The following SPIN3 variants were observed in gnomAD, a reference collection of about 807,000 sequenced individuals.
SPIN3 encodes spindlin family member 3.
For synonymous variants in SPIN3, 74 were observed against 74.3 expected (o/e 1.00, Z 0.02); for missense variants, 176 against 196.4 (o/e 0.90, Z 0.62).
At chrX:56,985,432 G>A (rs1029122339) in intron 2 of SPIN3, among the ~76,000 whole-genome samples, 1 of 112,300 alleles carries the variant, frequency 8.9e-6, no homozygotes, top group Non-Finnish European at 1.9e-5. Flanking sequence ...ATCCAAAGAC[G>A]GATTAGTGTA....
At position 56,992,488 on chromosome X, in the gene SPIN3, A is replaced by T; in HGVS notation, c.*1683T>A. 3.4e-6 allele frequency: 1 copy of T among 297,527 alleles called. No individual in the cohort carries two copies. Among genetic ancestry groups the T allele is most frequent in the Non-Finnish European group, 5.9e-6 (1 of 170,341 alleles). 24.5% of individuals were successfully genotyped at this position (297,527 alleles called of 1,213,427 possible). A position where few individuals can be genotyped will look rare whatever the true frequency, so the allele number is the denominator to read the frequency against. On this transcript the variant is annotated 3_prime_UTR_variant, in exon 2 of 2. Transcript: ENST00000374919. Reference sequence around the variant, plus strand: ...CATCAAAAAGCAAAAGTAGACAGATAAAACATAGGAGAAAAGAGAACATCT... The same window carrying T: ...CATCAAAAAGCAAAAGTAGACAGATTAAACATAGGAGAAAAGAGAACATCT...
chrX:56,987,134 AAAACAAACAAAC>A, downstream of SPIN3, among the ~76,000 whole-genome samples: 1 of 111,830 alleles, frequency 8.9e-6, no homozygotes, highest in Admixed American at 9.5e-5. Flanking sequence ...TCTGTCTCAA[AAAACAAACAAAC>A]AAACAAACAA....
chrX:56,987,407 A>T (rs1924243370), downstream of SPIN3, among the ~76,000 whole-genome samples: 1 of 110,350 alleles, frequency 9.1e-6, no homozygotes, highest in Non-Finnish European at 1.9e-5. Context: ...ATATCCACTC[A>T]GGCCTTCCTC....
intron 3 of SPIN3, among the ~76,000 whole-genome samples, chrX:56,984,080 T>C (rs751595104): frequency 1.6e-4 from 18 of 111,513 alleles, no homozygotes; most frequent in African/African-American, 3.3e-4. Context: ...TACAGGCACA[T>C]ACCAGCACGG....
In SPIN3 at chrX:56,992,372, A is replaced by C; in HGVS notation, c.*1799T>G. ...CCCCAGCCACTAGAACAGTTTTTTT[A>C]AGCAAATATATGACCCCAGGACTTA... is the stretch of plus-strand genomic sequence containing the variant. On this transcript the variant is annotated 3_prime_UTR_variant, in exon 2 of 2. Coordinates refer to ENST00000374919, the MANE Select transcript of SPIN3 (RefSeq NM_001010862.3). 3.4e-6 allele frequency: 1 copy of C among 297,470 alleles called. No individual in the cohort carries two copies. Among genetic ancestry groups the C allele is most frequent in the Non-Finnish European group, 5.9e-6 (1 of 170,353 alleles). The allele number at this position is 297,470 out of a possible 1,213,427, so 24.5% of individuals were successfully genotyped here. A position where few individuals can be genotyped will look rare whatever the true frequency, so the allele number is the denominator to read the frequency against.
intron 3 of SPIN3, chrX:56,979,781 C>T (rs1214473997): frequency 9.0e-6 from 1 of 111,531 alleles, no homozygotes; most frequent in African/African-American, 3.3e-5. Flanking sequence ...GGATTTTTTC[C>T]TGTATGTTTA....
rs1206566573 is a variant in SPIN3, at chrX:56,994,371, T to C, written c.577A>G (p.Asn193Asp). The C allele has an allele frequency of 8.3e-7, 1 of 1,209,878 alleles. No homozygotes were observed. Among genetic ancestry groups the C allele is most frequent in the Non-Finnish European group, 1.1e-6 (1 of 895,210 alleles). ...TCCCTCTCTGCCAGAGGAGAATCAT[T>C]GGAATCTTGAAGGATGCGGAGGTCA... ...DGDLRILQDS[N>D]DSPLAEREPG... Residue 193 changes from asparagine (N) to aspartate (D), a missense_variant, in exon 2 of 2, where the codon AAT becomes GAT. Coordinates refer to ENST00000374919, the MANE Select transcript of SPIN3 (RefSeq NM_001010862.3).
intron 3 of SPIN3, chrX:56,980,459 G>T (rs1924091842): frequency 9.1e-6 from 1 of 110,322 alleles, no homozygotes; most frequent in African/African-American, 3.3e-5. Flanking sequence ...ATATATTTTG[G>T]GGATACATAT....
chrX:56,981,047 A>G (rs1018923300), intron 3 of SPIN3, among the ~76,000 whole-genome samples: 9 of 109,689 alleles, frequency 8.2e-5, no homozygotes, highest in Non-Finnish European at 1.7e-4. Flanking sequence ...AGGGAAGAAG[A>G]GGCCTAAAGC....
At position 56,992,513 on chromosome X, in the gene SPIN3, T is replaced by A. The variant is rs1186616055; in HGVS notation, c.*1658A>T. 9 of 295,552 alleles carry A rather than the reference T, an allele frequency of 3.0e-5. No homozygotes were observed. The Admixed American group carries it at 5.6e-4, about 18-fold the overall frequency. The allele number at this position is 295,552 out of a possible 1,213,427, so 24.4% of individuals were successfully genotyped here. Reference sequence around the variant, plus strand: ...AAAACATAGGAGAAAAGAGAACATCTTCTTTGTTTCATCCTCAGCAGGATG... The same window carrying A: ...AAAACATAGGAGAAAAGAGAACATCATCTTTGTTTCATCCTCAGCAGGATG... On this transcript the variant is annotated 3_prime_UTR_variant, in exon 2 of 2. Coordinates refer to ENST00000374919, the MANE Select transcript of SPIN3 (RefSeq NM_001010862.3).
Position 56,994,015 on chromosome X carries a change from T to C in SPIN3, c.*156A>G, listed in dbSNP as rs1924417550. On this transcript the variant is annotated 3_prime_UTR_variant, in exon 2 of 2. Coordinates refer to ENST00000374919, the MANE Select transcript of SPIN3 (RefSeq NM_001010862.3). ...GTTGGACAGATGGGCAAAAGGTTTCTTCCAAAAACGTATGAGAGGGCAGAA... is the reference window on the plus strand; with the variant it reads ...GTTGGACAGATGGGCAAAAGGTTTCCTCCAAAAACGTATGAGAGGGCAGAA... 1 of 500,966 alleles carries C rather than the reference T, an allele frequency of 2.0e-6. No individual in the cohort carries two copies. Among genetic ancestry groups the C allele is most frequent in the Non-Finnish European group, 3.1e-6 (1 of 320,438 alleles). The allele number at this position is 500,966 out of a possible 1,213,427, so 41.3% of individuals were successfully genotyped here.
downstream of SPIN3, among the ~76,000 whole-genome samples, chrX:56,988,540 T>C (rs150515251): frequency 4.0e-3 from 449 of 111,652 alleles, 2 homozygotes; most frequent in African/African-American, 0.014. Context: ...TCATTACATC[T>C]AAGATGGGAC....
chrX:56,979,139 A>T (rs1376029249), intron 3 of SPIN3: 2 of 111,651 alleles, frequency 1.8e-5, no homozygotes, highest in African/African-American at 3.3e-5. Context: ...TCTTTTCACT[A>T]TCTTTAGGTA....
intron 2 of SPIN3, chrX:56,984,527 T>G (rs1281738230): frequency 3.2e-6 from 1 of 317,194 alleles, no homozygotes; most frequent in East Asian, 9.9e-5. Context: ...CATTTGAGAT[T>G]AAGTGAAAAA....
intron 3 of SPIN3, chrX:56,981,950 A>G (rs887318535): frequency 9.0e-6 from 1 of 111,729 alleles, no homozygotes; most frequent in Non-Finnish European, 1.9e-5. Flanking sequence ...CTCACAGGCA[A>G]TAGATGGTAG....
rs1924350546 is a variant in SPIN3 at position 56,991,981 on chromosome X, T to C, written c.*2190A>G. On this transcript the variant is annotated 3_prime_UTR_variant, in exon 2 of 2. Coordinates refer to ENST00000374919, the MANE Select transcript of SPIN3 (RefSeq NM_001010862.3). ...AATAAAAATGCCTTAGTTTGAACTA[T>C]ATGACCTCACCCCCACCCCATCAAC... 3.4e-6 allele frequency: 1 copy of C among 294,706 alleles called. No individual in the cohort carries two copies. The allele number at this position is 294,706 out of a possible 1,213,427, so 24.3% of individuals were successfully genotyped here.
At chrX:56,995,040 G>A (rs1484150486) in intron 1 of SPIN3, 91 bp from the exon 2 acceptor site, 18 of 981,207 alleles carry the variant, frequency 1.8e-5, no homozygotes, top group Non-Finnish European at 2.3e-5. Context: ...CCTAATCAGC[G>A]CACCCAGTAA....
Position 56,990,917 on chromosome X carries a change from A to T in SPIN3, c.*3254T>A, listed in dbSNP as rs200730167. On this transcript the variant is annotated 3_prime_UTR_variant, in exon 2 of 2. Coordinates refer to ENST00000374919, the MANE Select transcript of SPIN3 (RefSeq NM_001010862.3). ...ATGTATAGTATGCCACCATTTGTGT[A>T]AAAAAAAAAAAAAAACCTGATACAC... 4 of 14,985 alleles carry T rather than the reference A, an allele frequency of 2.7e-4. No homozygotes were observed. The highest frequency in any genetic ancestry group is 6.5e-4 in the African/African-American group (4 of 6,108). 1.2% of individuals were successfully genotyped at this position (14,985 alleles called of 1,213,427 possible). A position where few individuals can be genotyped will look rare whatever the true frequency, so the allele number is the denominator to read the frequency against.
At chrX:56,983,552 C>T (rs1439264515) in intron 3 of SPIN3, among the ~76,000 whole-genome samples, 2 of 112,810 alleles carry the variant, frequency 1.8e-5, no homozygotes, top group African/African-American at 6.4e-5. Context: ...ATTTGAATTA[C>T]TGTGTGGGTG....
Sources: allele counts gnomAD v4.1 joint callset (sites outside exome capture counted in the v4.1 genomes callset), GRCh38; gene constraint gnomAD v4.1.1; transcripts MANE v1.5; gene names NCBI Gene and HGNC (gene_info 2026-07-23, HGNC 2026-07-21).